FSTL5: variants seen among roughly 807,000 people sequenced by gnomAD.
FSTL5 encodes follistatin like 5, also known as follistatin-related protein 5.
FSTL5 carries 62 observed loss-of-function variants against 89.1 expected under a neutral mutation model. The observed-to-expected ratio is 0.70, with a 90% confidence interval of 0.57 to 0.86. The LOEUF (loss-of-function observed/expected upper bound fraction) is 0.86. FSTL5 is among the 40% of genes least tolerant of loss of function. FSTL5 has a pLI of 0.00. For missense variants in FSTL5, 1,057 were observed against 1,001.6 expected (o/e 1.06, Z -0.75); for synonymous variants, 383 against 346.2 (o/e 1.11, Z -1.18).
chr4:161,623,633 A>AT (rs764534190), intron 7 of FSTL5, among the ~76,000 whole-genome samples: 47 of 151,024 alleles, frequency 3.1e-4, no homozygotes, highest in Non-Finnish European at 5.6e-4. Context: ...TTTATCAGTG[A>AT]TTTTTTTTTC....
chr4:161,635,957 C>T (rs893718944), intron 7 of FSTL5, among the ~76,000 whole-genome samples: 2 of 152,046 alleles, frequency 1.3e-5, no homozygotes, highest in African/African-American at 4.8e-5. Context: ...CAACAAATTC[C>T]TTAACTGGGA....
intron 15 of FSTL5, among the ~76,000 whole-genome samples, chr4:161,395,220 G>T (rs117666224): frequency 1.3e-5 from 2 of 152,090 alleles, no homozygotes; most frequent in East Asian, 3.9e-4. Context: ...GGGCAAAGAT[G>T]ATATAATAGA....
intron 8 of FSTL5, among the ~76,000 whole-genome samples, chr4:161,571,939 C>T (rs1011730436): frequency 6.6e-6 from 1 of 152,116 alleles, no homozygotes; most frequent in Non-Finnish European, 1.5e-5. Flanking sequence ...GATCTTGTGA[C>T]AAAATTAGGC....
chr4:161,599,413 A>G (rs537172901), intron 7 of FSTL5, among the ~76,000 whole-genome samples: 1 of 152,240 alleles, frequency 6.6e-6, no homozygotes, highest in East Asian at 1.9e-4. Flanking sequence ...TAAAACTCAG[A>G]CATATGAATG....
intron 3 of FSTL5, 53 bp downstream of exon 3, chr4:162,033,572 T>A: frequency 1.1e-6 from 1 of 939,062 alleles, no homozygotes; most frequent in South Asian, 1.6e-5. Flanking sequence ...CATATCTTTT[T>A]TCTTTCTGTT....
intron 6 of FSTL5, among the ~76,000 whole-genome samples, chr4:161,732,537 A>C (rs1739648882): frequency 6.6e-6 from 1 of 152,048 alleles, no homozygotes; most frequent in African/African-American, 2.4e-5. Flanking sequence ...TATAGTTAGT[A>C]ATTTTTATAT....
chr4:161,604,317 A>G (rs1452524570), intron 7 of FSTL5, among the ~76,000 whole-genome samples: 1 of 152,178 alleles, frequency 6.6e-6, no homozygotes, highest in Admixed American at 6.5e-5. Context: ...GGGGTCCTGA[A>G]TAAAGCAAGC....
intron 8 of FSTL5, among the ~76,000 whole-genome samples, chr4:161,581,864 G>A (rs954040942): frequency 6.6e-6 from 1 of 152,194 alleles, no homozygotes; most frequent in South Asian, 2.1e-4. Context: ...CAAGCTTTCT[G>A]CCCAGAGGGG....
At chr4:161,622,490 A>C (rs923796333) in intron 7 of FSTL5, among the ~76,000 whole-genome samples, 1 of 151,998 alleles carries the variant, frequency 6.6e-6, no homozygotes, top group African/African-American at 2.4e-5. Context: ...TCATTAATAA[A>C]ATACTAGCAA....
intron 1 of FSTL5, among the ~76,000 whole-genome samples, chr4:162,123,537 A>G (rs1327266501): frequency 6.6e-6 from 1 of 152,192 alleles, no homozygotes; most frequent in African/African-American, 2.4e-5. Flanking sequence ...GAAAATATGG[A>G]AAGTGGAGAG....
intron 1 of FSTL5, among the ~76,000 whole-genome samples, chr4:162,115,577 G>A (rs1214268201): frequency 1.3e-5 from 2 of 152,100 alleles, no homozygotes; most frequent in African/African-American, 4.8e-5. Context: ...GTGCAATAAT[G>A]ATCCTGTGAC....
chr4:161,510,413 A>T lies in FSTL5; in HGVS notation c.1324T>A (p.Leu442Ile), dbSNP rs769702826. 6.5e-7 allele frequency: 1 copy of T among 1,540,702 alleles called. No homozygotes were observed. Among genetic ancestry groups the T allele is most frequent in the Non-Finnish European group, 8.7e-7 (1 of 1,144,818 alleles). Residue 442 changes from leucine to isoleucine, a missense_variant, in exon 11 of 16, where the codon TTA becomes ATA. Around this residue, in one of 3 missense-constraint regions of FSTL5, gnomAD observed 980 missense variants for 903.2 expected, o/e 1.08. Transcript: ENST00000306100. ...DSARKTLANI[L>I]WREEGLGIGN... ...AACTTAGTACCTTCTTCTCTCCATA[A>T]TATGTTAGCTACTGCAGCATGTTGA...
chr4:161,874,800 C>T (rs1320746295), intron 4 of FSTL5, among the ~76,000 whole-genome samples: 2 of 152,040 alleles, frequency 1.3e-5, no homozygotes, highest in African/African-American at 2.4e-5. Context: ...GTATTTTAGG[C>T]ATAAATTCCC....
At position 162,154,380 on chromosome 4, in the gene FSTL5, C is replaced by T. The variant is rs1429957192; in HGVS notation, c.-17+9235G>A. Among the ~76,000 whole-genome samples, 4 of 152,088 alleles carry T rather than the reference C, an allele frequency of 2.6e-5. No individual in the cohort carries two copies. In the East Asian group the frequency reaches 7.7e-4, roughly 29 times the overall value. ...TTTGTTGAAGATCTTATGAACATGACATTTTTTCAAATGTTGAAGTTTTTC... is the reference window on the plus strand; with the variant it reads ...TTTGTTGAAGATCTTATGAACATGATATTTTTTCAAATGTTGAAGTTTTTC... On this transcript the variant is annotated intron_variant, in intron 1 of 15. Coordinates refer to ENST00000306100, the MANE Select transcript of FSTL5 (RefSeq NM_020116.5).
At chr4:161,825,305 A>G (rs1730632960) in intron 4 of FSTL5, among the ~76,000 whole-genome samples, 1 of 152,094 alleles carries the variant, frequency 6.6e-6, no homozygotes, top group Non-Finnish European at 1.5e-5. Flanking sequence ...GCACATTGTT[A>G]AGGATTTTTG....
At position 161,500,049 on chromosome 4, in the gene FSTL5, G is replaced by T; in HGVS notation, c.1425C>A (p.His475Gln). 1 of 1,609,918 alleles carries T rather than the reference G, an allele frequency of 6.2e-7. No individual in the cohort carries two copies. The highest frequency in any genetic ancestry group is 1.1e-5 in the South Asian group (1 of 90,694). ...IQPIECEFQR[H>Q]IKPSEKLLGF... is the part of the protein sequence containing the mutation. ...CAAGGAGCTTTTCACTAGGCTTAAT[G>T]TGCCTCTGAAATTCACATTCTATGG... Residue 475 changes from histidine (H) to glutamine (Q), a missense_variant, in exon 12 of 16, where the codon CAC becomes CAA. Coordinates refer to ENST00000306100, the MANE Select transcript of FSTL5 (RefSeq NM_020116.5).
At chr4:161,980,764 CTTTTTTTTTTTTT>C (rs34223215) in intron 3 of FSTL5, among the ~76,000 whole-genome samples, 7 of 71,826 alleles carry the variant, frequency 9.7e-5, no homozygotes, top group Non-Finnish European at 1.3e-4. Flanking sequence ...CTTCAAGTAA[CTTTTTTTTTTTTT>C]TTTTTTTTTT....
chr4:161,691,283 T>C (rs1449624697), intron 6 of FSTL5, among the ~76,000 whole-genome samples: 1 of 152,104 alleles, frequency 6.6e-6, no homozygotes, highest in African/African-American at 2.4e-5. Context: ...CCAGAAATAT[T>C]TATTGAGACC....
chr4:162,015,443 C>A (rs960561146), intron 3 of FSTL5, among the ~76,000 whole-genome samples: 2 of 152,108 alleles, frequency 1.3e-5, no homozygotes, highest in African/African-American at 4.8e-5. Context: ...CTGGAATATG[C>A]GCTTCTTCTC....
Sources: allele counts gnomAD v4.1 joint callset (sites outside exome capture counted in the v4.1 genomes callset), GRCh38; gene constraint gnomAD v4.1.1; regional missense constraint gnomAD v4.1.1; transcripts MANE v1.5; gene names NCBI Gene and HGNC (gene_info 2026-07-23, HGNC 2026-07-21).